LDHC: variants seen among roughly 807,000 people sequenced by gnomAD.
LDHC encodes the protein lactate dehydrogenase C, also known as L-lactate dehydrogenase C chain.
In LDHC, 20 loss-of-function variants were observed where a neutral mutation model predicts 30.2. The observed-to-expected ratio is 0.66, with a 90% CI of 0.47 to 0.96. LDHC has a LOEUF of 0.96. Ranked by LOEUF, LDHC falls within the 40% of genes least tolerant of loss-of-function variation. The pLI, the probability that LDHC is intolerant of heterozygous loss-of-function variation, is 0.00. For synonymous variants in LDHC, 139 were observed against 132.7 expected (o/e 1.05, Z -0.32); for missense variants, 362 against 394.9 (o/e 0.92, Z 0.71).
At chr11:18,431,767 T>A (rs983301896) in intron 4 of LDHC, among the ~76,000 whole-genome samples, 7 of 152,066 alleles carry the variant, frequency 4.6e-5, no homozygotes, top group Admixed American at 3.3e-4. Context: ...GCCAGGCTGG[T>A]CTCAAACTCC....
intron 2 of LDHC, among the ~76,000 whole-genome samples, chr11:18,413,539 G>A (rs1197306589): frequency 4.9e-5 from 7 of 143,472 alleles, no homozygotes; most frequent in Admixed American, 1.4e-4. Context: ...CTCGGCTCCC[G>A]GCAACCTTTG....
chr11:18,438,691 A>C, intron 6 of LDHC, 46 bp downstream of exon 6: 1 of 970,248 alleles, frequency 1.0e-6, no homozygotes, highest in Non-Finnish European at 1.6e-6. Context: ...AGTCAGTCTT[A>C]AGAATAAATA....
At chr11:18,442,890 T>C (rs1405402977) in intron 6 of LDHC, among the ~76,000 whole-genome samples, 1 of 152,092 alleles carries the variant, frequency 6.6e-6, no homozygotes, top group Non-Finnish European at 1.5e-5. Flanking sequence ...CTCCAACTCC[T>C]GACCTCAGGT....
chr11:18,445,125 T>C (rs765017912), intron 6 of LDHC, among the ~76,000 whole-genome samples: 1 of 152,252 alleles, frequency 6.6e-6, no homozygotes, highest in African/African-American at 2.4e-5. Context: ...TTTAGTGATA[T>C]ATTCTTAGGA....
At chr11:18,447,504 C>T (rs1448578029) in intron 7 of LDHC, among the ~76,000 whole-genome samples, 1 of 151,876 alleles carries the variant, frequency 6.6e-6, no homozygotes, top group Non-Finnish European at 1.5e-5. Context: ...CAGAAGGTTT[C>T]ATAAGTGAAA....
intron 2 of LDHC, among the ~76,000 whole-genome samples, chr11:18,413,064 C>CT (rs1031999039): frequency 1.1e-4 from 14 of 125,450 alleles, no homozygotes; most frequent in East Asian, 7.7e-4. Context: ...CTTTTCCTTT[C>CT]TTTTTTTTTC....
intron 7 of LDHC, among the ~76,000 whole-genome samples, chr11:18,447,226 C>G (rs1848568790): frequency 6.6e-6 from 1 of 151,910 alleles, no homozygotes; most frequent in Non-Finnish European, 1.5e-5. Flanking sequence ...CTCCACCTCC[C>G]AGGTTCACAC....
chr11:18,443,300 C>T (rs1484086815), intron 6 of LDHC, among the ~76,000 whole-genome samples: 1 of 152,084 alleles, frequency 6.6e-6, no homozygotes, highest in Non-Finnish European at 1.5e-5. Flanking sequence ...CACATCCATA[C>T]CCCCCACCCA....
chr11:18,450,987 C>G lies in LDHC; in HGVS notation c.859C>G (p.Leu287Val). The G allele has an allele frequency of 6.3e-7, 1 of 1,589,716 alleles. No individual in the cohort carries two copies. The highest frequency in any genetic ancestry group is 8.5e-7 in the Non-Finnish European group (1 of 1,172,276). Residue 287 changes from leucine to valine, a missense_variant, in exon 8 of 8, where the codon CTC becomes GTC. Leu to Val is a conservative substitution (Grantham distance 32). Coordinates refer to ENST00000541669, the MANE Select transcript of LDHC (RefSeq NM_017448.5). ...GGGATTATATGGAATAAAAGAAGAA[C>G]TCTTTCTCAGTATCCCTTGTGTCTT... ...VKGLYGIKEE[L>V]FLSIPCVLGR...
intron 3 of LDHC, among the ~76,000 whole-genome samples, chr11:18,424,347 A>G (rs1014965932): frequency 6.6e-6 from 1 of 151,878 alleles, no homozygotes; most frequent in Non-Finnish European, 1.5e-5. Context: ...GCGCCACTGC[A>G]CTCCAGCCTG....
At chr11:18,443,421 T>C (rs951366087) in intron 6 of LDHC, among the ~76,000 whole-genome samples, 1 of 152,054 alleles carries the variant, frequency 6.6e-6, no homozygotes, top group African/African-American at 2.4e-5. Flanking sequence ...CACTAATAAT[T>C]GTACCACAGA....
In LDHC at chr11:18,415,225, C is replaced by T. The variant is rs750947492; in HGVS notation, c.168C>T (p.Asp56=). 32 of 1,610,600 alleles carry T rather than the reference C, an allele frequency of 2.0e-5. No homozygotes were observed. Among genetic ancestry groups the T allele is most frequent in the Non-Finnish European group, 7.6e-6 (9 of 1,177,554 alleles). Reference sequence around the variant, plus strand: ...TTGCCCTTGTTGATGTTGCATTGGACAAACTGAAGGGAGAAATGATGGATC... The same window carrying T: ...TTGCCCTTGTTGATGTTGCATTGGATAAACTGAAGGGAGAAATGATGGATC... ...DELALVDVAL[D]KLKGEMMDLQ... The change falls in exon 3 of 8, where the codon GAC becomes GAT. Residue 56 remains aspartate (D), a synonymous_variant. Coordinates refer to ENST00000541669, the MANE Select transcript of LDHC (RefSeq NM_017448.5).
intron 6 of LDHC, among the ~76,000 whole-genome samples, chr11:18,438,951 T>C (rs924457677): frequency 1.3e-5 from 2 of 152,206 alleles, no homozygotes; most frequent in Non-Finnish European, 2.9e-5. Context: ...TGATATGATA[T>C]TGGGAAATTA....
intron 7 of LDHC, 185 bp from the exon 8 acceptor site, chr11:18,450,778 T>G (rs1848642346): frequency 2.1e-6 from 1 of 474,260 alleles, no homozygotes; most frequent in Admixed American, 4.5e-5. Context: ...TGTCACTGAA[T>G]GTAAGTTCCA....
rs1431249093 is a variant in LDHC at position 18,429,764 on chromosome 11, TA to T, written c.273del (p.Ile91MetfsTer26). The T allele has an allele frequency of 6.2e-7, 1 of 1,610,236 alleles. No homozygotes were observed. The highest frequency in any genetic ancestry group is 1.7e-5 in the Admixed American group (1 of 59,590). ...TACAGTGTATCTGCAAACTCCAGAA[TA>T]GTTATTGTCACAGCAGGTGCAAGGC... is the stretch of plus-strand genomic sequence containing the variant. ...KDYSVSANSR[I>X]VIVTAGARQQ... On this transcript the variant is annotated frameshift_variant, in exon 4 of 8. Coordinates refer to ENST00000541669, the MANE Select transcript of LDHC (RefSeq NM_017448.5). LOFTEE classifies it high-confidence loss of function.
intron 3 of LDHC, among the ~76,000 whole-genome samples, chr11:18,423,002 C>CAACAACAAA (rs1310088374): frequency 1.4e-4 from 15 of 108,550 alleles, no homozygotes; most frequent in Non-Finnish European, 2.9e-4. Context: ...AAGAAAACAA[C>CAACAACAAA]AAAAAACTCA....
chr11:18,444,788 A>G (rs1848528331), intron 6 of LDHC, among the ~76,000 whole-genome samples: 1 of 151,726 alleles, frequency 6.6e-6, no homozygotes, highest in South Asian at 2.1e-4. Flanking sequence ...AGTTAAATAA[A>G]CTTAGTGCTA....
At chr11:18,413,718 C>G (rs958897106) in intron 2 of LDHC, among the ~76,000 whole-genome samples, 2 of 152,160 alleles carry the variant, frequency 1.3e-5, no homozygotes, top group African/African-American at 4.8e-5. Context: ...GCCTCAGCCT[C>G]CCAAAGTGCT....
At chr11:18,419,688 T>G (rs1308428997) in intron 3 of LDHC, among the ~76,000 whole-genome samples, 1 of 152,106 alleles carries the variant, frequency 6.6e-6, no homozygotes, top group African/African-American at 2.4e-5. Flanking sequence ...ATTATAAAAT[T>G]AATATGATTA....
Sources: gnomAD v4.1 joint callset for allele counts (sites outside exome capture counted in the v4.1 genomes callset) on GRCh38, gnomAD v4.1.1 for gene constraint, MANE v1.5 for transcripts, NCBI Gene and HGNC (gene_info 2026-07-23, HGNC 2026-07-21) for gene names.